FNBP1: variants seen among roughly 807,000 people sequenced by gnomAD.
FNBP1 encodes formin binding protein 1.
A neutral mutation model predicts 90.6 loss-of-function variants in FNBP1; 26 were observed. The observed-to-expected ratio is 0.29, with a 90% CI of 0.21 to 0.40. The LOEUF is 0.40. FNBP1 is among the 10% of genes least tolerant of loss of function. FNBP1 has a pLI of 1.00. For missense variants in FNBP1, 635 were observed against 768.0 expected, an observed-to-expected ratio of 0.83 and a Z score of 2.05; for synonymous variants, 260 against 265.2, an observed-to-expected ratio of 0.98 and a Z score of 0.19.
chr9:130,009,618 T>G (rs1004730070), intron 1 of FNBP1, among the ~76,000 whole-genome samples: 2 of 151,954 alleles, frequency 1.3e-5, no homozygotes, highest in Non-Finnish European at 2.9e-5. Context: ...CTGGCCAACA[T>G]GGTGAAACCC....
intron 6 of FNBP1, among the ~76,000 whole-genome samples, chr9:129,949,795 C>T (rs1189683469): frequency 6.6e-6 from 1 of 151,426 alleles, no homozygotes; most frequent in South Asian, 2.1e-4. Context: ...CAATCCATAT[C>T]TGGGCATTAA....
chr9:130,032,091 G>C (rs1282382851), intron 1 of FNBP1, among the ~76,000 whole-genome samples: 1 of 152,118 alleles, frequency 6.6e-6, no homozygotes, highest in Non-Finnish European at 1.5e-5. Flanking sequence ...GAATGACAGG[G>C]AGACTTCACA....
intron 1 of FNBP1, among the ~76,000 whole-genome samples, chr9:130,015,410 G>T (rs1016998501): frequency 1.6e-4 from 24 of 152,222 alleles, no homozygotes; most frequent in African/African-American, 5.5e-4. Flanking sequence ...TAGCAGGAAT[G>T]ATAATAAAAC....
chr9:130,048,767 C>G, the FNBP1 span, among the ~76,000 whole-genome samples: 1 of 144,074 alleles, frequency 6.9e-6, no homozygotes, highest in African/African-American at 2.6e-5. Flanking sequence ...CGTGAGCCAC[C>G]GCGCCCGGCC....
intron 13 of FNBP1, 28 bp downstream of exon 13, chr9:129,902,841 A>G: frequency 6.2e-7 from 1 of 1,611,304 alleles, no homozygotes. Context: ...CGTTTCCAAC[A>G]AAGCTTTCCA....
intron 15 of FNBP1, among the ~76,000 whole-genome samples, chr9:129,899,163 C>CGCCTCCCGGGTTCAAGTGATTCTCGT (rs2036372388): frequency 6.6e-6 from 1 of 151,650 alleles, no homozygotes; most frequent in Non-Finnish European, 1.5e-5. Flanking sequence ...CTGCAACCTC[C>CGCCTCCCGGGTTCAAGTGATTCTCGT]GCCTCCCGGG....
chr9:130,043,192 C>T, upstream of FNBP1: 1 of 367,340 alleles, frequency 2.7e-6, no homozygotes. Flanking sequence ...GCAGCCGCGG[C>T]CGCCGCAGCG....
intron 6 of FNBP1, among the ~76,000 whole-genome samples, chr9:129,953,491 GA>G (rs1323568286): frequency 6.6e-6 from 1 of 150,518 alleles, no homozygotes; most frequent in African/African-American, 2.4e-5. Context: ...CTACGTCTCA[GA>G]AAAAATAAAT....
chr9:129,905,087 C>T lies in FNBP1; in HGVS notation c.1296-2086G>A, dbSNP rs7866976. Reference sequence around the variant, plus strand: ...CCCTTATGATGTCCTTTCCGAAACCCGTCTCGTCTCTTGACTTCATGGCCC... The same window carrying T: ...CCCTTATGATGTCCTTTCCGAAACCTGTCTCGTCTCTTGACTTCATGGCCC... On this transcript the variant is annotated intron_variant, in intron 12 of 16. Coordinates refer to ENST00000446176, the MANE Select transcript of FNBP1 (RefSeq NM_015033.3). Among the ~76,000 whole-genome samples the T allele has an allele frequency of 8.0e-3, 1,209 of 151,682 alleles. 5 individuals carry two copies. The highest frequency in any genetic ancestry group is 0.027 in the African/African-American group (1,122 of 41,372).
At chr9:129,968,723 T>G (rs1002453426) in intron 4 of FNBP1, among the ~76,000 whole-genome samples, 6 of 152,206 alleles carry the variant, frequency 3.9e-5, no homozygotes, top group Non-Finnish European at 4.4e-5. Context: ...TTCTAAGTAA[T>G]GTGGAGTCTG....
chr9:129,984,540 C>T (rs961109433), intron 2 of FNBP1, among the ~76,000 whole-genome samples: 9 of 152,146 alleles, frequency 5.9e-5, no homozygotes, highest in South Asian at 4.1e-4. Context: ...GGGCAGGAGC[C>T]GGGGCTCACC....
In FNBP1 at chr9:130,042,900, G is replaced by A. The variant is rs1367418980; in HGVS notation, c.24+52C>T. On this transcript the variant is annotated intron_variant, in intron 1 of 16. Transcript: ENST00000446176. This position sits in a 1 kb window ranked among gnomAD's most constrained non-coding sequence, Gnocchi z 5.5. ...CCCGCGCCCCCTCCCCAGGCCGCGGGGAAACGCAGCGCGCGCCCCGCATCT... is the reference window on the plus strand; with the variant it reads ...CCCGCGCCCCCTCCCCAGGCCGCGGAGAAACGCAGCGCGCGCCCCGCATCT... 3.4e-6 allele frequency: 4 copies of A among 1,189,986 alleles called. No homozygotes were observed. Among genetic ancestry groups the A allele is most frequent in the Non-Finnish European group, 4.2e-6 (4 of 949,974 alleles). The allele number at this position is 1,189,986 out of a possible 1,614,324, so 73.7% of individuals were successfully genotyped here.
chr9:129,936,889 G>A lies in FNBP1; in HGVS notation c.514-7194C>T, dbSNP rs968817897. 4.7e-4 allele frequency among the ~76,000 whole-genome samples: 71 copies of A among 152,278 alleles called. 1 individual carries two copies. Among genetic ancestry groups the A allele is most frequent in the African/African-American group, 1.7e-3 (71 of 41,558 alleles). On this transcript the variant is annotated intron_variant, in intron 6 of 16. Transcript: ENST00000446176. ...TCAATGGTTAGGAATAAAACTAATG[G>A]CCAGGTGCGGTGGCTCACGCCTGTA...
At chr9:129,926,484 G>T (rs1485369306) in intron 8 of FNBP1, among the ~76,000 whole-genome samples, 1 of 152,126 alleles carries the variant, frequency 6.6e-6, no homozygotes, top group Non-Finnish European at 1.5e-5. Context: ...CACAACTCGG[G>T]GAGTGCTACT....
intron 12 of FNBP1, among the ~76,000 whole-genome samples, chr9:129,905,667 G>A (rs543428462): frequency 2.0e-5 from 3 of 152,008 alleles, no homozygotes; most frequent in African/African-American, 7.2e-5. Context: ...GAGATAGATC[G>A]TAAGTGAGGA....
In FNBP1 at chr9:129,902,939, C is replaced by T; in HGVS notation, c.1358G>A (p.Ser453Asn). ...LKNPQMGDPA[S>N]LDHKLAEVSQ... Reference sequence around the variant, plus strand: ...GACTTCTGCTAATTTGTGATCCAAACTGGCTGGGTCTCCCATCTGAGGATT... The same window carrying T: ...GACTTCTGCTAATTTGTGATCCAAATTGGCTGGGTCTCCCATCTGAGGATT... The change falls in exon 13 of 17, where the codon AGT becomes AAT. Residue 453 changes from serine (S) to asparagine (N), a missense_variant. Transcript: ENST00000446176. 1 of 1,610,786 alleles carries T rather than the reference C, an allele frequency of 6.2e-7. No individual in the cohort carries two copies. The highest frequency in any genetic ancestry group is 8.5e-7 in the Non-Finnish European group (1 of 1,178,274).
At chr9:129,893,699 G>A (rs2035361347) in intron 16 of FNBP1, among the ~76,000 whole-genome samples, 1 of 146,520 alleles carries the variant, frequency 6.8e-6, no homozygotes, top group African/African-American at 2.5e-5. Flanking sequence ...GACAGATCAT[G>A]AGGTCAGGAG....
Position 129,924,119 on chromosome 9 carries a change from C to T in FNBP1, c.988-93G>A, listed in dbSNP as rs576453953. 74 of 1,288,310 alleles carry T rather than the reference C, an allele frequency of 5.7e-5. 1 individual carries two copies. Among genetic ancestry groups the T allele is most frequent in the East Asian group, 1.2e-4 (4 of 34,236 alleles). 79.8% of individuals were successfully genotyped at this position (1,288,310 alleles called of 1,614,324 possible). ...GCATCAAATAATATTTGAAATCCAA[C>T]GCAAGTAAAACACAAACAATTAAAT... On this transcript the variant is annotated intron_variant, in intron 9 of 16. Transcript: ENST00000446176.
intron 1 of FNBP1, among the ~76,000 whole-genome samples, chr9:129,997,447 G>T (rs139121051): frequency 2.5e-4 from 38 of 152,202 alleles, no homozygotes; most frequent in Non-Finnish European, 4.6e-4. Flanking sequence ...CAAACCCCTA[G>T]ATTTCAGTTT....
Sources: allele counts gnomAD v4.1 joint callset (sites outside exome capture counted in the v4.1 genomes callset), GRCh38; gene constraint gnomAD v4.1.1; non-coding constraint Gnocchi (gnomAD v3.1); transcripts MANE v1.5; gene names NCBI Gene and HGNC (gene_info 2026-07-23, HGNC 2026-07-21).